The following MYCBP2 variants were observed in gnomAD, a reference collection of about 807,000 sequenced individuals.
MYCBP2 encodes MYC binding protein 2, also known as E3 ubiquitin-protein ligase MYCBP2.
Under a neutral mutation model 525.3 loss-of-function variants are expected in MYCBP2, and 120 were observed. The ratio of observed to expected loss-of-function variants is 0.23; its 90% CI spans 0.20 to 0.27. The LOEUF is 0.27. Among genes scored for constraint, MYCBP2 ranks in the 10% least tolerant of loss-of-function variants. The probability of loss-of-function intolerance (pLI) is 1.00; values close to 1 mark genes in which losing one functional copy is unlikely to be tolerated. For synonymous variants in MYCBP2, 1,894 were observed against 1,955.8 expected (o/e 0.97, Z 0.83); for missense variants, 4,149 against 5,657.1 (o/e 0.73, Z 8.55).
chr13:77,115,519 T>C (rs953814222), intron 55 of MYCBP2, among the ~76,000 whole-genome samples: 2 of 151,914 alleles, frequency 1.3e-5, no homozygotes, highest in African/African-American at 4.8e-5. Flanking sequence ...TTGAAATAAT[T>C]TCTACGTATA....
chr13:77,276,685 TGAG>T (rs1378218369), intron 4 of MYCBP2, among the ~76,000 whole-genome samples: 1 of 151,684 alleles, frequency 6.6e-6, no homozygotes, highest in African/African-American at 2.4e-5. Context: ...TTGGTAGAGA[TGAG>T]GTCTCATTCT....
chr13:77,326,499 C>G lies in MYCBP2; in HGVS notation c.277G>C (p.Gly93Arg). The change falls in exon 1 of 83, where the codon GGC (glycine) becomes CGC (arginine). Residue 93 changes from glycine to arginine, a missense_variant. Physicochemically the swap from Gly to Arg is moderately radical, Grantham distance 125. This residue lies in a region of MYCBP2 where 413 missense variants were observed against 451.2 expected (regional missense o/e 0.92). Transcript: ENST00000544440. The surrounding 1 kb of genome is among the most constrained non-coding windows in gnomAD (Gnocchi z 4.2). ...CTGGAGGCTGGGTGTCCAGCGCTGC[C>G]GCCCCCCTGGTCCCTGTCATTGAGC... is the stretch of plus-strand genomic sequence containing the variant. ...AALNDRDQGG[G>R]SAGHPASRNK... 6.3e-7 allele frequency: 1 copy of G among 1,586,062 alleles called. No homozygotes were observed. The highest frequency in any genetic ancestry group is 8.6e-7 in the Non-Finnish European group (1 of 1,167,154).
intron 5 of MYCBP2, 93 bp downstream of exon 5, chr13:77,273,375 ATGAG>A (rs780729349): frequency 8.0e-6 from 8 of 1,000,768 alleles, no homozygotes; most frequent in Non-Finnish European, 1.2e-5. Context: ...AGCTACTGTA[ATGAG>A]TGAGAAAAAG....
intron 14 of MYCBP2, among the ~76,000 whole-genome samples, chr13:77,255,607 T>C (rs1175494295): frequency 1.3e-5 from 2 of 151,986 alleles, no homozygotes; most frequent in Non-Finnish European, 2.9e-5. Context: ...TTCACTAATT[T>C]AGTAATAAAT....
rs780052487 is a variant in MYCBP2 at position 77,065,975 on chromosome 13, G to T, written c.12552+17C>A. 2 of 1,595,850 alleles carry T rather than the reference G, an allele frequency of 1.3e-6. No individual in the cohort carries two copies. Among genetic ancestry groups the T allele is most frequent in the Admixed American group, 3.4e-5 (2 of 58,614 alleles). On this transcript the variant is annotated intron_variant, in intron 72 of 82. Transcript: ENST00000544440. ...CCTGCCGCACTTCACTGCCAAAACA[G>T]AAGAATGGGAACTTACTGCTGCCAT...
At chr13:77,093,113 C>T in intron 59 of MYCBP2, 52 bp downstream of exon 59, 8 of 1,514,926 alleles carry the variant, frequency 5.3e-6, no homozygotes, top group South Asian at 1.3e-5. Context: ...AGTTCAAAGT[C>T]TTTCTTCCAC....
intron 21 of MYCBP2, among the ~76,000 whole-genome samples, chr13:77,215,230 C>T (rs1021729691): frequency 1.3e-5 from 2 of 151,906 alleles, no homozygotes; most frequent in Non-Finnish European, 2.9e-5. Context: ...TAAACTGAAA[C>T]AAATGAGCCC....
At chr13:77,222,486 CT>C (rs1387755676) in intron 20 of MYCBP2, among the ~76,000 whole-genome samples, 1 of 152,046 alleles carries the variant, frequency 6.6e-6, no homozygotes, top group Admixed American at 6.6e-5. Context: ...AGGACATTCC[CT>C]TTTGTTGCCA....
chr13:77,311,053 A>G (rs2080137166), intron 1 of MYCBP2, among the ~76,000 whole-genome samples: 1 of 152,228 alleles, frequency 6.6e-6, no homozygotes. Context: ...TTCACAGAAG[A>G]GTAAATTTCC....
chr13:77,220,151 G>A (rs1259085018), intron 20 of MYCBP2, among the ~76,000 whole-genome samples: 5 of 152,184 alleles, frequency 3.3e-5, no homozygotes, highest in Non-Finnish European at 7.4e-5. Context: ...CTAGCACCAC[G>A]ACCAAGAGAG....
rs115506448 is a variant in MYCBP2 at position 77,315,617 on chromosome 13, G to A, written c.302+10857C>T. ...TATAATTAAAAACTATCAGCAAGCC[G>A]GGTGCGATGGCTCACGCCTGTAATC... On this transcript the variant is annotated intron_variant, in intron 1 of 82. Coordinates refer to ENST00000544440, the MANE Select transcript of MYCBP2 (RefSeq NM_015057.5). Among the ~76,000 whole-genome samples, 1,230 of 152,226 alleles carry A rather than the reference G, an allele frequency of 8.1e-3. 12 individuals carry two copies. Among genetic ancestry groups the A allele is most frequent in the African/African-American group, 0.028 (1,184 of 41,552 alleles).
intron 1 of MYCBP2, among the ~76,000 whole-genome samples, chr13:77,316,838 C>T (rs1165052059): frequency 6.8e-6 from 1 of 146,342 alleles, no homozygotes; most frequent in African/African-American, 2.4e-5. Flanking sequence ...CCAAGAGACA[C>T]CTTATAGATC....
At chr13:77,286,129 G>T (rs989799965) in intron 3 of MYCBP2, among the ~76,000 whole-genome samples, 23 of 152,164 alleles carry the variant, frequency 1.5e-4, no homozygotes, top group African/African-American at 5.3e-4. Flanking sequence ...CTGACAATAT[G>T]ATTAAGGATG....
chr13:77,306,005 A>C (rs1385630936), intron 1 of MYCBP2, among the ~76,000 whole-genome samples: 4 of 152,212 alleles, frequency 2.6e-5, no homozygotes, highest in Admixed American at 6.5e-5. Context: ...TTGTACTATC[A>C]CCACTTCTGT....
intron 67 of MYCBP2, 123 bp from the exon 68 acceptor site, chr13:77,076,972 T>G: frequency 9.0e-7 from 1 of 1,116,808 alleles, no homozygotes; most frequent in Non-Finnish European, 1.3e-6. Flanking sequence ...TACACCACTA[T>G]TTTTCTTAAT....
rs971225968 is a variant in MYCBP2, at chr13:77,096,494, C to A, written c.9785-13G>T. 2 of 1,612,118 alleles carry A rather than the reference C, an allele frequency of 1.2e-6. No individual in the cohort carries two copies. The highest frequency in any genetic ancestry group is 1.7e-6 in the Non-Finnish European group (2 of 1,178,944). ...TATCGGCCACAACCTTGAAACAATA[C>A]CAAAAATAAATATTTAACACTCCAA... On this transcript the variant is annotated splice_polypyrimidine_tract_variant and intron_variant, in intron 56 of 82. Transcript: ENST00000544440.
chr13:77,317,034 C>T (rs2081029959), intron 1 of MYCBP2, among the ~76,000 whole-genome samples: 1 of 152,020 alleles, frequency 6.6e-6, no homozygotes, highest in Non-Finnish European at 1.5e-5. Context: ...ACTGCAACCT[C>T]CACATCCCAG....
intron 54 of MYCBP2, among the ~76,000 whole-genome samples, chr13:77,124,487 C>T (rs1225984674): frequency 1.3e-5 from 2 of 152,144 alleles, no homozygotes; most frequent in Non-Finnish European, 2.9e-5. Context: ...TGTTTGCTTA[C>T]ATACTTATTT....
At chr13:77,236,066 G>T (rs919146058) in intron 17 of MYCBP2, among the ~76,000 whole-genome samples, 5 of 152,210 alleles carry the variant, frequency 3.3e-5, no homozygotes, top group African/African-American at 1.2e-4. Flanking sequence ...ATTCTGGAAA[G>T]AAGGTGGCTA....
Sources: gnomAD v4.1 joint callset for allele counts (sites outside exome capture counted in the v4.1 genomes callset) on GRCh38, gnomAD v4.1.1 for gene constraint, gnomAD v4.1.1 regional missense constraint, Gnocchi (gnomAD v3.1) non-coding constraint, MANE v1.5 for transcripts, NCBI Gene and HGNC (gene_info 2026-07-23, HGNC 2026-07-21) for gene names.